Variants in CCDC178 observed in about 807,000 individuals in gnomAD.
CCDC178 encodes coiled-coil domain containing 178.
In CCDC178, 126 loss-of-function variants were observed where a neutral mutation model predicts 117.4. That is an observed-to-expected ratio of 1.07 (90% CI 0.93 to 1.24). The LOEUF is 1.24. Among genes scored for constraint, CCDC178 ranks in the 50% most tolerant of loss-of-function variants. The pLI is 0.00. For synonymous variants in CCDC178, 283 were observed against 313.4 expected (o/e 0.90, Z 1.02); for missense variants, 1,030 against 986.9 (o/e 1.04, Z -0.59).
intron 21 of CCDC178, among the ~76,000 whole-genome samples, chr18:33,082,370 G>A (rs1446763947): frequency 1.3e-5 from 2 of 152,138 alleles, no homozygotes; most frequent in Non-Finnish European, 2.9e-5. Flanking sequence ...TACTCAGGGG[G>A]CTGAGGTGGG....
intron 21 of CCDC178, among the ~76,000 whole-genome samples, chr18:33,037,715 G>T (rs2056470932): frequency 6.6e-6 from 1 of 151,932 alleles, no homozygotes; most frequent in African/African-American, 2.4e-5. Context: ...GATACCAAGA[G>T]TATGGGTATA....
At chr18:33,112,210 G>A (rs1031832997) in intron 20 of CCDC178, among the ~76,000 whole-genome samples, 2 of 151,650 alleles carry the variant, frequency 1.3e-5, no homozygotes, top group Admixed American at 1.3e-4. Context: ...ACAAAGCTCC[G>A]TAAGATGACC....
intron 20 of CCDC178, among the ~76,000 whole-genome samples, chr18:33,178,973 A>G (rs2058695173): frequency 6.8e-6 from 1 of 147,244 alleles, no homozygotes; most frequent in African/African-American, 2.5e-5. Flanking sequence ...AATTTTATAT[A>G]CAACTTTCAA....
intron 9 of CCDC178, among the ~76,000 whole-genome samples, chr18:33,344,741 C>T (rs1401776115): frequency 6.7e-6 from 1 of 150,258 alleles, no homozygotes; most frequent in African/African-American, 2.4e-5. Context: ...CAAGAATCTA[C>T]TGGGATCCAG....
At chr18:33,109,573 A>G (rs2057753570) in intron 20 of CCDC178, among the ~76,000 whole-genome samples, 1 of 151,732 alleles carries the variant, frequency 6.6e-6, no homozygotes, top group Middle Eastern at 3.4e-3. Context: ...ATACACCAAC[A>G]TAACTAGCAT....
At position 32,942,498 on chromosome 18, in the gene CCDC178, A is replaced by G. The variant is rs116369202; in HGVS notation, c.2524-4407T>C. On this transcript the variant is annotated intron_variant, in intron 22 of 22. Transcript: ENST00000383096. Reference sequence around the variant, plus strand: ...TTTTTCATGGAAAGTTTTTTTCCCCATAAGTCAGAGCACAAGAGAGTTTTC... The same window carrying G: ...TTTTTCATGGAAAGTTTTTTTCCCCGTAAGTCAGAGCACAAGAGAGTTTTC... 2.2e-3 allele frequency among the ~76,000 whole-genome samples: 333 copies of G among 152,212 alleles called. 1 individual carries two copies. Among genetic ancestry groups the G allele is most frequent in the African/African-American group, 7.2e-3 (300 of 41,558 alleles).
chr18:33,346,559 A>C (rs1223971340), intron 8 of CCDC178, 148 bp from the exon 9 acceptor site: 2 of 391,870 alleles, frequency 5.1e-6, no homozygotes, highest in Non-Finnish European at 8.7e-6. Context: ...AAAAAGTTTT[A>C]TTATAATACA....
At chr18:33,413,591 A>C (rs948835420) in intron 2 of CCDC178, among the ~76,000 whole-genome samples, 2 of 152,158 alleles carry the variant, frequency 1.3e-5, no homozygotes, top group African/African-American at 4.8e-5. Context: ...TTGAATCTTC[A>C]AAAAAGCATC....
At chr18:32,946,913 G>T (rs912232841) in intron 22 of CCDC178, among the ~76,000 whole-genome samples, 1 of 151,820 alleles carries the variant, frequency 6.6e-6, no homozygotes, top group Non-Finnish European at 1.5e-5. Flanking sequence ...CGGAGTAGCT[G>T]GGACTACCGG....
At chr18:33,034,778 A>G (rs1187807302) in intron 21 of CCDC178, among the ~76,000 whole-genome samples, 2 of 152,048 alleles carry the variant, frequency 1.3e-5, no homozygotes, top group African/African-American at 2.4e-5. Context: ...CATGGTGGCT[A>G]GCATATAGTA....
intron 21 of CCDC178, among the ~76,000 whole-genome samples, chr18:32,988,024 C>T (rs945396642): frequency 6.6e-6 from 1 of 150,758 alleles, no homozygotes; most frequent in Non-Finnish European, 1.5e-5. Context: ...TTGCAGTGAG[C>T]GGAGATTGTG....
chr18:32,996,965 C>T (rs888980250), intron 21 of CCDC178, among the ~76,000 whole-genome samples: 8 of 152,012 alleles, frequency 5.3e-5, no homozygotes, highest in Non-Finnish European at 1.2e-4. Context: ...TATAGAATAA[C>T]CAATTCTATT....
chr18:33,322,160 A>C (rs910366951), intron 11 of CCDC178, among the ~76,000 whole-genome samples: 1 of 151,960 alleles, frequency 6.6e-6, no homozygotes, highest in Non-Finnish European at 1.5e-5. Context: ...ATGTAGACAG[A>C]TGTATCACCA....
chr18:33,085,105 C>T (rs1483173396), intron 21 of CCDC178, among the ~76,000 whole-genome samples: 1 of 152,014 alleles, frequency 6.6e-6, no homozygotes, highest in Admixed American at 6.6e-5. Flanking sequence ...TGTTTAATAC[C>T]TATTATAGAG....
chr18:33,384,920 A>G (rs1345745451), intron 5 of CCDC178, among the ~76,000 whole-genome samples: 1 of 152,234 alleles, frequency 6.6e-6, no homozygotes, highest in Non-Finnish European at 1.5e-5. Flanking sequence ...ACAGAATGGC[A>G]AGCTGGATAC....
At chr18:33,113,015 G>A (rs1214629899) in intron 20 of CCDC178, among the ~76,000 whole-genome samples, 4 of 151,882 alleles carry the variant, frequency 2.6e-5, no homozygotes, top group Admixed American at 2.6e-4. Context: ...ACATAAATAA[G>A]GTCATGGTCT....
chr18:33,158,585 A>G (rs185185272), intron 20 of CCDC178, among the ~76,000 whole-genome samples: 8 of 152,182 alleles, frequency 5.3e-5, no homozygotes, highest in Admixed American at 2.0e-4. Context: ...CATAATTCCT[A>G]TAAGTTAAAT....
intron 21 of CCDC178, among the ~76,000 whole-genome samples, chr18:33,086,166 T>C (rs1439728517): frequency 2.6e-5 from 4 of 151,936 alleles, no homozygotes; most frequent in Non-Finnish European, 5.9e-5. Flanking sequence ...ACTATTTCAT[T>C]TTATTGCTCT....
intron 21 of CCDC178, among the ~76,000 whole-genome samples, chr18:32,982,421 A>T (rs1416065121): frequency 1.3e-5 from 2 of 152,182 alleles, no homozygotes; most frequent in Admixed American, 6.5e-5. Context: ...AAAGTCCTTT[A>T]GAATACAAAG....
Sources: allele counts gnomAD v4.1 joint callset (sites outside exome capture counted in the v4.1 genomes callset), GRCh38; gene constraint gnomAD v4.1.1; transcripts MANE v1.5; gene names NCBI Gene and HGNC (gene_info 2026-07-23, HGNC 2026-07-21).